Variants in KLHDC4 observed in about 807,000 individuals in gnomAD.
KLHDC4 encodes the protein kelch domain-containing protein 4.
A neutral mutation model predicts 62.4 loss-of-function variants in KLHDC4; 90 were observed. That is an observed-to-expected ratio of 1.44 (90% confidence interval 1.22 to 1.72). The LOEUF is 1.72. Among genes scored for constraint, KLHDC4 ranks in the 40% most tolerant of loss-of-function variants. KLHDC4 has a pLI of 0.00. For synonymous variants in KLHDC4, 386 were observed against 284.4 expected, an observed-to-expected ratio of 1.36 and a Z score of -3.59; for missense variants, 1,025 against 699.7, an observed-to-expected ratio of 1.47 and a Z score of -5.25.
chr16:87,726,920 A>C lies in KLHDC4; in HGVS notation c.604T>G (p.Tyr202Asp), dbSNP rs760415065. 3.7e-6 allele frequency: 6 copies of C among 1,613,868 alleles called. No homozygotes were observed. The South Asian group carries it at 4.4e-5, about 12-fold the overall frequency. The change falls in exon 7 of 12, where the codon TAC (tyrosine) becomes GAC (aspartate). Residue 202 changes from tyrosine (Y) to aspartate (D), a missense_variant. Physicochemically the swap from Tyr to Asp is radical, Grantham distance 160 (BLOSUM62 -3). Transcript: ENST00000270583. ...FGGFHESTRD[Y>D]IYYNDVYAFN... ...GCATACACGTCGTTGTAGTAGATGT[A>C]ATCCCTGGTTAGAAGAACAGCAGCT...
chr16:87,700,860 TGGAGGGAGGAGGTTGGAGGGC>T (rs1567627536), exon 1 of KLHDC4: 2 of 67,560 alleles, frequency 3.0e-5, no homozygotes, highest in South Asian at 1.6e-4. Context: ...GGTTGGAGGG[TGGAGGGAGGAGGTTGGAGGGC>T]GGAGGGAGGA....
Position 87,711,280 on chromosome 16 carries a change from G to A in KLHDC4, c.999C>T (p.Tyr333=). 1 of 1,614,168 alleles carries A rather than the reference G, an allele frequency of 6.2e-7. No individual in the cohort carries two copies. The part of the protein sequence containing the change: ...SLSGEFFNDL[Y]FYDATRNRWF... Reference sequence around the variant, plus strand: ...AACGGTTCCTGGTGGCGTCGTAGAAGTACAGATCGTTGAAGAACTCGCCCG... The same window carrying A: ...AACGGTTCCTGGTGGCGTCGTAGAAATACAGATCGTTGAAGAACTCGCCCG... The change falls in exon 9 of 12, where the codon TAC becomes TAT. Residue 333 remains tyrosine, a synonymous_variant. Transcript: ENST00000270583.
At chr16:87,764,004 G>A (rs772234396) in intron 1 of KLHDC4, among the ~76,000 whole-genome samples, 2 of 152,232 alleles carry the variant, frequency 1.3e-5, no homozygotes, top group East Asian at 1.9e-4. Context: ...AAGACAGGCA[G>A]AGGCCAGGAC....
chr16:87,764,305 C>A (rs1485414566), intron 1 of KLHDC4, among the ~76,000 whole-genome samples: 2 of 152,104 alleles, frequency 1.3e-5, no homozygotes, highest in Non-Finnish European at 2.9e-5. Context: ...GCTACTGTTA[C>A]AATCACCTTA....
chr16:87,717,773 TTG>T (rs1440830183), intron 7 of KLHDC4, among the ~76,000 whole-genome samples: 2 of 148,278 alleles, frequency 1.3e-5, no homozygotes, highest in Non-Finnish European at 2.9e-5. Context: ...ACGTCTCTAT[TTG>T]TCATCAGAAA....
Position 87,748,680 on chromosome 16 carries a change from G to C in KLHDC4, c.499C>G (p.Gln167Glu), listed in dbSNP as rs148640211. ...VLHLATKTWE[Q>E]VKSTGGPSGR... ...TCTCATCTGGCTTCTTACTTGACTT[G>C]TTCCCAGGTCTTGGTGGCCAAATGC... The change falls in exon 5 of 12, where the codon CAA (glutamine) becomes GAA (glutamate). Residue 167 changes from glutamine (Q) to glutamate (E), a missense_variant. Gln to Glu is a conservative substitution (Grantham distance 29, BLOSUM62 2). Coordinates refer to ENST00000270583, the MANE Select transcript of KLHDC4 (RefSeq NM_017566.4). 99 of 1,613,514 alleles carry C rather than the reference G, an allele frequency of 6.1e-5. No homozygotes were observed. In the African/African-American group the frequency reaches 1.1e-3, roughly 17 times the overall value.
At chr16:87,712,956 G>A (rs953172082) in intron 8 of KLHDC4, among the ~76,000 whole-genome samples, 7 of 152,174 alleles carry the variant, frequency 4.6e-5, no homozygotes, top group Non-Finnish European at 8.8e-5. Flanking sequence ...TAAACTCCAC[G>A]GCAAACACCC....
chr16:87,762,224 T>A, intron 1 of KLHDC4, 184 bp from the exon 2 acceptor site: 1 of 1,268,104 alleles, frequency 7.9e-7, no homozygotes, highest in South Asian at 1.6e-5. Flanking sequence ...GAGCTTGACC[T>A]CAAAGGCAGT....
In KLHDC4 at chr16:87,707,925, G is replaced by A. The variant is rs1481372643; in HGVS notation, c.*152C>T. 2.2e-6 allele frequency: 1 copy of A among 462,582 alleles called. No individual in the cohort carries two copies. Among genetic ancestry groups the A allele is most frequent in the East Asian group, 6.8e-5 (1 of 14,660 alleles). 28.7% of individuals were successfully genotyped at this position (462,582 alleles called of 1,614,324 possible). ...TGCCGCGTCAGAGACTAAACCATGGGAGAAAGTTCACACCCTGGCCTGGGC... is the reference window on the plus strand; with the variant it reads ...TGCCGCGTCAGAGACTAAACCATGGAAGAAAGTTCACACCCTGGCCTGGGC... On this transcript the variant is annotated 3_prime_UTR_variant, in exon 12 of 12. Transcript: ENST00000270583.
chr16:87,718,461 A>G (rs935535723), intron 7 of KLHDC4, among the ~76,000 whole-genome samples: 3 of 148,022 alleles, frequency 2.0e-5, no homozygotes, highest in Non-Finnish European at 3.0e-5. Context: ...GCTCACTGCA[A>G]CCTCCCTGCC....
At chr16:87,739,370 A>G (rs1470568469) in intron 5 of KLHDC4, among the ~76,000 whole-genome samples, 1 of 125,592 alleles carries the variant, frequency 8.0e-6, no homozygotes, top group Non-Finnish European at 1.7e-5. Context: ...ATCCATCCAC[A>G]CACCAGCACG....
chr16:87,722,900 A>C (rs567214741), intron 7 of KLHDC4, among the ~76,000 whole-genome samples: 1 of 152,230 alleles, frequency 6.6e-6, no homozygotes, highest in South Asian at 2.1e-4. Context: ...GTGAAATGTG[A>C]GGTGAGGGTG....
chr16:87,722,101 G>C (rs1156718433), intron 7 of KLHDC4, among the ~76,000 whole-genome samples: 2 of 152,190 alleles, frequency 1.3e-5, no homozygotes, highest in Non-Finnish European at 2.9e-5. Flanking sequence ...CTGGGTCTAA[G>C]GACTGAGTCT....
At chr16:87,741,682 C>T (rs1412512298) in intron 5 of KLHDC4, among the ~76,000 whole-genome samples, 2 of 152,144 alleles carry the variant, frequency 1.3e-5, no homozygotes, top group East Asian at 1.9e-4. Context: ...AAATATGCAT[C>T]GCTGTTAAAA....
intron 3 of KLHDC4, 60 bp from the exon 4 acceptor site, chr16:87,755,352 G>A (rs1016382637): frequency 3.3e-6 from 3 of 900,646 alleles, no homozygotes; most frequent in South Asian, 2.8e-5. Flanking sequence ...GAAGTGGTGA[G>A]AACAATCTTA....
At chr16:87,715,734 C>G (rs528828224) in intron 7 of KLHDC4, among the ~76,000 whole-genome samples, 1 of 152,322 alleles carries the variant, frequency 6.6e-6, no homozygotes, top group East Asian at 1.9e-4. Flanking sequence ...ACACCATCAA[C>G]AGGACTCATC....
chr16:87,709,222 G>A (rs773550667), intron 10 of KLHDC4, 43 bp downstream of exon 10: 4 of 1,577,906 alleles, frequency 2.5e-6, no homozygotes, highest in Non-Finnish European at 3.4e-6. Flanking sequence ...ACGACCGTGG[G>A]CTCTCGCTCC....
rs146049581 is a variant in KLHDC4 at position 87,721,086 on chromosome 16, C to T, written c.759+5679G>A. On this transcript the variant is annotated intron_variant, in intron 7 of 11. Coordinates refer to ENST00000270583, the MANE Select transcript of KLHDC4 (RefSeq NM_017566.4). ...CCCCACAGCCAAGACTTCTACCTGT[C>T]GCTTTCCAAGACTGAACATTTTCAG... Among the ~76,000 whole-genome samples, 647 of 152,322 alleles carry T rather than the reference C, an allele frequency of 4.2e-3. 7 individuals carry two copies. The highest frequency in any genetic ancestry group is 0.015 in the African/African-American group (623 of 41,584).
chr16:87,743,671 C>T (rs867023736), intron 5 of KLHDC4, among the ~76,000 whole-genome samples: 1 of 151,380 alleles, frequency 6.6e-6, no homozygotes, highest in African/African-American at 2.4e-5. Flanking sequence ...ACCCAGGAGG[C>T]GGAGCTTGCA....
Sources: gnomAD v4.1 joint callset for allele counts (sites outside exome capture counted in the v4.1 genomes callset) on GRCh38, gnomAD v4.1.1 for gene constraint, MANE v1.5 for transcripts, NCBI Gene and HGNC (gene_info 2026-07-23, HGNC 2026-07-21) for gene names.